PRDM16: variants seen among roughly 807,000 people sequenced by gnomAD.
PRDM16 encodes PR/SET domain 16, also known as histone-lysine N-methyltransferase PRDM16.
PRDM16 carries 23 observed loss-of-function variants against 110.6 expected under a neutral mutation model. That is an observed-to-expected ratio of 0.21 (90% CI 0.15 to 0.29). The LOEUF is 0.29. PRDM16 is among the 10% of genes least tolerant of loss of function. The probability of loss-of-function intolerance (pLI) is 1.00; values close to 1 mark genes in which losing one functional copy is unlikely to be tolerated. For missense variants in PRDM16, 1,615 were observed against 1,794.3 expected, an observed-to-expected ratio of 0.90 and a Z score of 1.81; for synonymous variants, 799 against 781.8, an observed-to-expected ratio of 1.02 and a Z score of -0.37.
intron 1 of PRDM16, among the ~76,000 whole-genome samples, chr1:3,144,470 A>G (rs1196405298): frequency 6.6e-6 from 1 of 151,052 alleles, no homozygotes; most frequent in Non-Finnish European, 1.5e-5. Context: ...GGCAGGGCGT[A>G]TCCAGGTGTC....
chr1:3,205,312 C>T (rs780796894), intron 2 of PRDM16, among the ~76,000 whole-genome samples: 4 of 152,166 alleles, frequency 2.6e-5, no homozygotes, highest in African/African-American at 4.8e-5. Flanking sequence ...CCCACCCCGC[C>T]GGGGAGACCG....
chr1:3,146,272 G>A (rs964296704), intron 1 of PRDM16, among the ~76,000 whole-genome samples: 4 of 152,232 alleles, frequency 2.6e-5, no homozygotes, highest in African/African-American at 7.2e-5. Flanking sequence ...CTGGGGTGGG[G>A]GGGGCCTCCC....
At chr1:3,396,006 C>T (rs944531092) in intron 4 of PRDM16, among the ~76,000 whole-genome samples, 5 of 152,212 alleles carry the variant, frequency 3.3e-5, no homozygotes, top group Non-Finnish European at 5.9e-5. Context: ...CTGGGAGAAC[C>T]GCAGCCCCAT....
chr1:3,186,347 G>A lies in PRDM16; in HGVS notation c.260G>A (p.Arg87Gln), dbSNP rs764659440. 17 of 1,612,232 alleles carry A rather than the reference G, an allele frequency of 1.1e-5. No homozygotes were observed. Among genetic ancestry groups the A allele is most frequent in the East Asian group, 2.2e-5 (1 of 44,866 alleles). Residue 87 changes from arginine (R) to glutamine (Q), a missense_variant, in exon 2 of 17, where the codon CGA becomes CAA. Around this residue, in one of 5 missense-constraint regions of PRDM16, gnomAD observed 416 missense variants for 467.1 expected, o/e 0.89. Coordinates refer to ENST00000270722, the MANE Select transcript of PRDM16 (RefSeq NM_022114.4). ...CCGATCCCAGCAGACTTCGAGCTCC[G>A]AGAGTCCTCCATCCCAGGGGCTGGC... ...DIPIPADFEL[R>Q]ESSIPGAGLG...
chr1:3,254,653 A>T (rs1371018347), intron 3 of PRDM16, among the ~76,000 whole-genome samples: 1 of 152,204 alleles, frequency 6.6e-6, no homozygotes, highest in Non-Finnish European at 1.5e-5. Flanking sequence ...AATGAAATAA[A>T]AGAGGATACA....
chr1:3,420,884 C>G (rs1343077112), intron 12 of PRDM16, among the ~76,000 whole-genome samples: 1 of 152,124 alleles, frequency 6.6e-6, no homozygotes, highest in East Asian at 1.9e-4. Context: ...TGGGAGGCTG[C>G]CCAGTGGAGC....
At chr1:3,146,555 G>A (rs1569683277) in intron 1 of PRDM16, among the ~76,000 whole-genome samples, 1 of 149,484 alleles carries the variant, frequency 6.7e-6, no homozygotes, top group East Asian at 2.0e-4. Context: ...TCGGTGTGGG[G>A]TGTGTACACA....
chr1:3,388,415 C>A (rs1443833474), intron 4 of PRDM16, among the ~76,000 whole-genome samples: 12 of 152,168 alleles, frequency 7.9e-5, no homozygotes, highest in African/African-American at 2.9e-4. Context: ...AAAACAACGT[C>A]GAGTTTGCCA....
chr1:3,390,086 CA>C lies in PRDM16; in HGVS notation c.573+4801del, dbSNP rs544738180. On this transcript the variant is annotated intron_variant, in intron 4 of 16. Transcript: ENST00000270722. The surrounding 1 kb of genome is among the most constrained non-coding windows in gnomAD (Gnocchi z 5.0). ...TTTGAAATGTTTCAGGAGACACAGACAGGGACAGTTCCTGAATTTGTTTTAA... is the reference window on the plus strand; with the variant it reads ...TTTGAAATGTTTCAGGAGACACAGACGGGACAGTTCCTGAATTTGTTTTAA... Among the ~76,000 whole-genome samples, 121 of 152,112 alleles carry C rather than the reference CA, an allele frequency of 8.0e-4. No homozygotes were observed. The highest frequency in any genetic ancestry group is 7.9e-3 in the South Asian group (38 of 4,818).
intron 3 of PRDM16, among the ~76,000 whole-genome samples, chr1:3,334,582 A>G (rs1192008825): frequency 6.6e-6 from 1 of 152,142 alleles, no homozygotes; most frequent in East Asian, 1.9e-4. Context: ...CTTGACACCT[A>G]CAATGGCCAC....
chr1:3,070,631 T>G lies in PRDM16; in HGVS notation c.37+1335T>G, dbSNP rs371628189. Among the ~76,000 whole-genome samples, 1,173 of 140,038 alleles carry G rather than the reference T, an allele frequency of 8.4e-3. 7 individuals are homozygous for G. Among genetic ancestry groups the G allele is most frequent in the Non-Finnish European group, 0.013 (857 of 65,756 alleles). 91.9% of individuals were successfully genotyped at this position (140,038 alleles called of 152,430 possible). ...TTCCGTCCGCGCCTCCGGGGCCGGG[T>G]CCCTCCAGGCCGGCCTCGCAGCTCC... is the stretch of plus-strand genomic sequence containing the variant. On this transcript the variant is annotated intron_variant, in intron 1 of 16. Coordinates refer to ENST00000270722, the MANE Select transcript of PRDM16 (RefSeq NM_022114.4).
intron 3 of PRDM16, among the ~76,000 whole-genome samples, chr1:3,311,234 C>T (rs1057109171): frequency 6.6e-6 from 1 of 152,210 alleles, no homozygotes; most frequent in Non-Finnish European, 1.5e-5. Flanking sequence ...GCGGCGCTGC[C>T]GCCACTCCGA....
At chr1:3,269,756 G>A (rs36020806) in intron 3 of PRDM16, among the ~76,000 whole-genome samples, 19,709 of 119,252 alleles carry the variant, frequency 0.17, 4,113 homozygotes, top group African/African-American at 0.4. Flanking sequence ...GAGGAGCATA[G>A]TCCTGGAGGA....
intron 1 of PRDM16, among the ~76,000 whole-genome samples, chr1:3,087,395 A>C (rs934574715): frequency 6.6e-6 from 1 of 152,194 alleles, no homozygotes; most frequent in Non-Finnish European, 1.5e-5. Context: ...GGAACGCGAG[A>C]GCAGGTGGAC....
At chr1:3,101,531 C>A (rs1310758271) in intron 1 of PRDM16, among the ~76,000 whole-genome samples, 1 of 152,210 alleles carries the variant, frequency 6.6e-6, no homozygotes, top group Non-Finnish European at 1.5e-5. Flanking sequence ...GGACACGGGG[C>A]CTGGAGAGGC....
intron 3 of PRDM16, among the ~76,000 whole-genome samples, chr1:3,292,558 C>A (rs1310068643): frequency 6.6e-6 from 1 of 152,166 alleles, no homozygotes; most frequent in Non-Finnish European, 1.5e-5. Context: ...TCATTCTTGA[C>A]CGCGCTGTCC....
At chr1:3,288,481 T>A (rs533730712) in intron 3 of PRDM16, among the ~76,000 whole-genome samples, 5 of 152,154 alleles carry the variant, frequency 3.3e-5, no homozygotes, top group African/African-American at 1.2e-4. Flanking sequence ...CCCAGGGTCC[T>A]GGCTGGGAAC....
At chr1:3,077,303 A>G (rs1347738722) in intron 1 of PRDM16, among the ~76,000 whole-genome samples, 1 of 151,200 alleles carries the variant, frequency 6.6e-6, no homozygotes, top group Non-Finnish European at 1.5e-5. Context: ...GTTCACCCCA[A>G]CTCTGCATCG....
chr1:3,200,215 C>A (rs982703243), intron 2 of PRDM16, among the ~76,000 whole-genome samples: 1 of 152,234 alleles, frequency 6.6e-6, no homozygotes, highest in Non-Finnish European at 1.5e-5. Flanking sequence ...GGGAGAGGGG[C>A]CTGGGGGTCT....
Sources: allele counts gnomAD v4.1 joint callset (sites outside exome capture counted in the v4.1 genomes callset), GRCh38; gene constraint gnomAD v4.1.1; regional missense constraint gnomAD v4.1.1; non-coding constraint Gnocchi (gnomAD v3.1); transcripts MANE v1.5; gene names NCBI Gene and HGNC (gene_info 2026-07-23, HGNC 2026-07-21).